Variants in ATP11A observed in about 807,000 individuals in gnomAD.
ATP11A encodes phospholipid-transporting ATPase IH.
In ATP11A, 81 loss-of-function variants were observed where a neutral mutation model predicts 154.4. The ratio of observed to expected loss-of-function variants is 0.52; its 90% CI spans 0.44 to 0.63. ATP11A has a LOEUF of 0.63. Ranked by LOEUF, ATP11A falls within the 30% of genes least tolerant of loss-of-function variation. The pLI, the probability that ATP11A is intolerant of heterozygous loss-of-function variation, is 0.00. For synonymous variants in ATP11A, 623 were observed against 585.9 expected (o/e 1.06, Z -0.91); for missense variants, 1,316 against 1,474.3 (o/e 0.89, Z 1.76).
At position 112,772,382 on chromosome 13, in the gene ATP11A, T is replaced by G. The variant is rs145224957; in HGVS notation, c.40-12753T>G. ...CTGGAAGCAGGGCAGTGAGCAGTGC[T>G]CAGCCTGTCGCGAGTGTGTAGGAAG... On this transcript the variant is annotated intron_variant, in intron 1 of 29. Coordinates refer to ENST00000375645, the MANE Select transcript of ATP11A (RefSeq NM_015205.3). Among the ~76,000 whole-genome samples, 488 of 152,340 alleles carry G rather than the reference T, an allele frequency of 3.2e-3. 2 individuals carry two copies. Among genetic ancestry groups the G allele is most frequent in the African/African-American group, 0.011 (454 of 41,578 alleles).
intron 5 of ATP11A, chr13:112,811,561 G>T (rs2078501086): frequency 6.6e-6 from 1 of 152,098 alleles, no homozygotes; most frequent in Non-Finnish European, 1.5e-5. Context: ...TATGAAAATT[G>T]GAACAGAAAA....
intron 16 of ATP11A, among the ~76,000 whole-genome samples, chr13:112,839,358 C>T (rs1273833985): frequency 6.6e-6 from 1 of 152,076 alleles, no homozygotes; most frequent in Non-Finnish European, 1.5e-5. Flanking sequence ...GTGCACCCTC[C>T]TGGAGCTCCT....
intron 2 of ATP11A, among the ~76,000 whole-genome samples, chr13:112,803,737 T>G (rs60333760): frequency 5.0e-5 from 4 of 80,418 alleles, no homozygotes; most frequent in African/African-American, 1.5e-4. Context: ...CCTGACCTCC[T>G]TCCCCTCCTT....
chr13:112,715,052 A>G (rs551696946), intron 1 of ATP11A, among the ~76,000 whole-genome samples: 1 of 152,232 alleles, frequency 6.6e-6, no homozygotes, highest in South Asian at 2.1e-4. Context: ...AGCTCATTTC[A>G]CTCAGCACAA....
rs1249933321 is a variant in ATP11A at position 112,753,432 on chromosome 13, C to T, written c.40-31703C>T. The stretch of plus-strand genomic sequence containing the variant: ...AGTGCCGTAGGAGGATGCCTGTTCT[C>T]CACCTACCTCGCCAGCAGCCTGCGC... On this transcript the variant is annotated intron_variant, in intron 1 of 29. Coordinates refer to ENST00000375645, the MANE Select transcript of ATP11A (RefSeq NM_015205.3). The surrounding 1 kb of genome is among the most constrained non-coding windows in gnomAD (Gnocchi z 4.1). Among the ~76,000 whole-genome samples the T allele has an allele frequency of 5.3e-5, 8 of 152,226 alleles. No homozygotes were observed. The highest frequency in any genetic ancestry group is 5.2e-4 in the Admixed American group (8 of 15,286).
At chr13:112,788,986 T>C (rs2140057466) in intron 2 of ATP11A, among the ~76,000 whole-genome samples, 1 of 151,254 alleles carries the variant, frequency 6.6e-6, no homozygotes, top group Admixed American at 6.6e-5. Context: ...GACTCCTATG[T>C]AGACATACTT....
chr13:112,787,964 G>T (rs893347421), intron 2 of ATP11A, among the ~76,000 whole-genome samples: 1 of 151,006 alleles, frequency 6.6e-6, no homozygotes, highest in African/African-American at 2.4e-5. Flanking sequence ...AGACTCCTGT[G>T]GAGACCTACT....
rs1555346277 is a variant in ATP11A, at chr13:112,885,605, C to CGT, written c.*3740_*3741dup. 3.3e-5 allele frequency: 5 copies of CGT among 152,132 alleles called. No individual in the cohort carries two copies. The highest frequency in any genetic ancestry group is 7.3e-5 in the Non-Finnish European group (5 of 68,040). 9.4% of individuals were successfully genotyped at this position (152,132 alleles called of 1,614,324 possible). A position where few individuals can be genotyped will look rare whatever the true frequency, so the allele number is the denominator to read the frequency against. ...CGTCTCCCACACGTGAGCTCCCACA[C>CGT]GTACACATGCACATGTACGCACCAC... On this transcript the variant is annotated 3_prime_UTR_variant, in exon 30 of 30. Transcript: ENST00000375645.
chr13:112,805,905 G>A (rs893167131), intron 3 of ATP11A, among the ~76,000 whole-genome samples: 2 of 151,786 alleles, frequency 1.3e-5, no homozygotes, highest in Non-Finnish European at 2.9e-5. Flanking sequence ...TTCAAATCAT[G>A]TAATTAAAAT....
At position 112,831,690 on chromosome 13, in the gene ATP11A, G is replaced by A. The variant is rs554218844; in HGVS notation, c.1395+142G>A. Reference sequence around the variant, plus strand: ...AGTGGGAGGGATGGTCAGAAGGTGCGATGTGTGTGGTGTCCCGTTAGGACA... The same window carrying A: ...AGTGGGAGGGATGGTCAGAAGGTGCAATGTGTGTGGTGTCCCGTTAGGACA... On this transcript the variant is annotated intron_variant, in intron 13 of 29. Coordinates refer to ENST00000375645, the MANE Select transcript of ATP11A (RefSeq NM_015205.3). 2.8e-5 allele frequency: 27 copies of A among 950,874 alleles called. No individual in the cohort carries two copies. The East Asian group carries it at 3.2e-4, about 11-fold the overall frequency. 58.9% of individuals were successfully genotyped at this position (950,874 alleles called of 1,614,324 possible).
At chr13:112,881,636 G>A (rs750290720) in intron 29 of ATP11A, 296 of 1,192,456 alleles carry the variant, frequency 2.5e-4, no homozygotes, top group Non-Finnish European at 3.0e-4. Flanking sequence ...CCTCCATATG[G>A]CTTCTCTGGT....
In ATP11A at chr13:112,754,014, G is replaced by GA. The variant is rs2076758106; in HGVS notation, c.40-31120dup. 2.0e-5 allele frequency among the ~76,000 whole-genome samples: 3 copies of GA among 152,222 alleles called. No homozygotes were observed. Among genetic ancestry groups the GA allele is most frequent in the Non-Finnish European group, 4.4e-5 (3 of 68,036 alleles). ...ACGCCTGACAGGCCGATCACAGCCTGACCTTGACCAGGCAGCATCCAGGGC... is the reference window on the plus strand; with the variant it reads ...ACGCCTGACAGGCCGATCACAGCCTGAACCTTGACCAGGCAGCATCCAGGGC... On this transcript the variant is annotated intron_variant, in intron 1 of 29. Transcript: ENST00000375645. The surrounding 1 kb of genome is among the most constrained non-coding windows in gnomAD (Gnocchi z 5.3).
intron 25 of ATP11A, among the ~76,000 whole-genome samples, chr13:112,870,708 C>T (rs570157246): frequency 3.3e-5 from 5 of 152,346 alleles, no homozygotes; most frequent in Non-Finnish European, 7.3e-5. Flanking sequence ...ATAAAATTCC[C>T]TGCGAGGTGC....
At chr13:112,713,923 G>GA (rs1888075308) in intron 1 of ATP11A, among the ~76,000 whole-genome samples, 2 of 70,990 alleles carry the variant, frequency 2.8e-5, no homozygotes. Context: ...CCTGATCCCA[G>GA]CCTCCCTTCC....
intron 1 of ATP11A, among the ~76,000 whole-genome samples, chr13:112,731,918 G>A (rs1890517397): frequency 7.0e-6 from 1 of 142,940 alleles, no homozygotes; most frequent in South Asian, 2.2e-4. Flanking sequence ...AAACCTACTA[G>A]ATGGTGGAGA....
chr13:112,865,624 A>G (rs569145680), intron 25 of ATP11A, among the ~76,000 whole-genome samples: 1 of 152,338 alleles, frequency 6.6e-6, no homozygotes, highest in East Asian at 1.9e-4. Flanking sequence ...GTCTTGGCTC[A>G]CTGCAAGCTC....
intron 1 of ATP11A, among the ~76,000 whole-genome samples, chr13:112,775,148 C>T (rs1195833476): frequency 2.0e-5 from 3 of 152,380 alleles, no homozygotes; most frequent in African/African-American, 7.2e-5. Flanking sequence ...TCGTTCTTTC[C>T]CTGCTTTGAG....
At chr13:112,804,609 G>A (rs2078272414) in intron 2 of ATP11A, among the ~76,000 whole-genome samples, 1 of 150,134 alleles carries the variant, frequency 6.7e-6, no homozygotes, top group Non-Finnish European at 1.5e-5. Flanking sequence ...CTCACTCAGA[G>A]GAGAGATCAT....
At chr13:112,814,393 G>A (rs753240232) in intron 5 of ATP11A, among the ~76,000 whole-genome samples, 5 of 151,726 alleles carry the variant, frequency 3.3e-5, no homozygotes, top group African/African-American at 9.7e-5. Context: ...AGGACTGTAC[G>A]TTCAGTGTCC....
Sources: gnomAD v4.1 joint callset for allele counts (sites outside exome capture counted in the v4.1 genomes callset) on GRCh38, gnomAD v4.1.1 for gene constraint, Gnocchi (gnomAD v3.1) non-coding constraint, MANE v1.5 for transcripts, NCBI Gene and HGNC (gene_info 2026-07-23, HGNC 2026-07-21) for gene names.